Variants in CNOT10 observed in about 807,000 individuals in gnomAD.
The protein encoded by CNOT10 is CCR4-NOT transcription complex subunit 10.
In CNOT10, 30 loss-of-function variants were observed where a neutral mutation model predicts 94.6. The ratio of observed to expected loss-of-function variants is 0.32; its 90% CI spans 0.24 to 0.43. CNOT10 has a LOEUF of 0.43. Among genes scored for constraint, CNOT10 ranks in the 20% least tolerant of loss-of-function variants. The pLI, the probability that CNOT10 is intolerant of heterozygous loss-of-function variation, is 1.00. For missense variants in CNOT10, 759 were observed against 877.2 expected (o/e 0.87, Z 1.70); for synonymous variants, 289 against 301.6 (o/e 0.96, Z 0.43).
chr3:32,765,657 CAA>C (rs199748186), intron 17 of CNOT10, among the ~76,000 whole-genome samples: 1 of 44,748 alleles, frequency 2.2e-5, no homozygotes. Flanking sequence ...CCTGTCCCCC[CAA>C]AAAAAAAAGA....
intron 10 of CNOT10, among the ~76,000 whole-genome samples, chr3:32,732,629 G>C (rs923109200): frequency 1.1e-4 from 16 of 151,926 alleles, no homozygotes; most frequent in Non-Finnish European, 1.9e-4. Flanking sequence ...GTAGATACAG[G>C]GGGGTCTCAC....
chr3:32,748,384 A>T (rs1432188130), intron 13 of CNOT10, among the ~76,000 whole-genome samples: 1 of 152,140 alleles, frequency 6.6e-6, no homozygotes, highest in Non-Finnish European at 1.5e-5. Flanking sequence ...CTTGGGCAGG[A>T]TTGATATTTT....
rs201266064 is a variant in CNOT10 at position 32,717,183 on chromosome 3, G to A, written c.690G>A (p.Lys230=). 24 of 1,608,448 alleles carry A rather than the reference G, an allele frequency of 1.5e-5. No individual in the cohort carries two copies. The highest frequency in any genetic ancestry group is 1.9e-5 in the Non-Finnish European group (22 of 1,176,608). The change falls in exon 7 of 19, where the codon AAG becomes AAA. Residue 230 remains lysine, a synonymous_variant. Transcript: ENST00000328834. ...QYKVRAYIQM[K]SLKACKREIK... ...AAGTACGAGCTTATATCCAAATGAA[G>A]TCTCTGAAAGCATGTAAAAGGGAAA...
chr3:32,746,710 GC>G (rs1699714569), intron 13 of CNOT10, among the ~76,000 whole-genome samples: 1 of 151,916 alleles, frequency 6.6e-6, no homozygotes, highest in South Asian at 2.1e-4. Context: ...GGTGGCAGGC[GC>G]CTGTAGTCCC....
chr3:32,752,371 C>T (rs541524075), intron 13 of CNOT10, among the ~76,000 whole-genome samples: 29 of 152,232 alleles, frequency 1.9e-4, no homozygotes, highest in African/African-American at 6.5e-4. Context: ...CATTTAACCC[C>T]TGTGGGCTGC....
rs1379097810 is a variant in CNOT10, at chr3:32,727,791, T to C, written c.1136T>C (p.Ile379Thr). The C allele has an allele frequency of 6.2e-7, 1 of 1,614,136 alleles. No individual in the cohort carries two copies. Among genetic ancestry groups the C allele is most frequent in the Non-Finnish European group, 8.5e-7 (1 of 1,180,022 alleles). The change falls in exon 10 of 19, where the codon ATT becomes ACT. Residue 379 changes from isoleucine to threonine, a missense_variant. Physicochemically the swap from Ile to Thr is moderately conservative, Grantham distance 89 (BLOSUM62 -1). Around this residue, in one of 3 missense-constraint regions of CNOT10, gnomAD observed 682 missense variants for 799.4 expected, o/e 0.85. Coordinates refer to ENST00000328834, the MANE Select transcript of CNOT10 (RefSeq NM_015442.3). ...GRPLAAFECL[I>T]EAVQVYHANP... ...CCTCTTGCTGCCTTCGAATGTCTGATTGAAGCTGTTCAGGTTTATCATGCA... is the reference window on the plus strand; with the variant it reads ...CCTCTTGCTGCCTTCGAATGTCTGACTGAAGCTGTTCAGGTTTATCATGCA...
chr3:32,754,503 T>TATATATATATATATA (rs1700131251), intron 13 of CNOT10, among the ~76,000 whole-genome samples: 1 of 111,200 alleles, frequency 9.0e-6, no homozygotes, highest in Non-Finnish European at 1.7e-5. Context: ...CATATATATA[T>TATATATATATATATA]ATATATTTAT....
chr3:32,748,198 G>A (rs1575283706), intron 13 of CNOT10, among the ~76,000 whole-genome samples: 1 of 152,260 alleles, frequency 6.6e-6, no homozygotes, highest in East Asian at 1.9e-4. Context: ...GCTGCTCTAA[G>A]GTTTTAAGAC....
chr3:32,736,970 A>C (rs1699214577), intron 12 of CNOT10, among the ~76,000 whole-genome samples: 1 of 152,162 alleles, frequency 6.6e-6, no homozygotes, highest in South Asian at 2.1e-4. Flanking sequence ...GTGTTACCAA[A>C]TTACTAAGTA....
chr3:32,728,019 G>A (rs1424697720), intron 10 of CNOT10, 149 bp downstream of exon 10: 3 of 523,878 alleles, frequency 5.7e-6, no homozygotes, highest in South Asian at 6.5e-5. Context: ...TTTTTGAGAC[G>A]GAGTTTCTCT....
chr3:32,744,098 T>C (rs1005436927), intron 13 of CNOT10, among the ~76,000 whole-genome samples: 1 of 152,108 alleles, frequency 6.6e-6, no homozygotes, highest in South Asian at 2.1e-4. Context: ...CGTAAAAGAA[T>C]TGTGTCGTAA....
intron 13 of CNOT10, among the ~76,000 whole-genome samples, chr3:32,752,638 AGAT>A (rs1700013725): frequency 1.3e-5 from 2 of 152,316 alleles, no homozygotes; most frequent in South Asian, 4.1e-4. Context: ...TGTTTACAGA[AGAT>A]AAAATTAAAA....
At chr3:32,731,862 AG>A (rs1346912168) in intron 10 of CNOT10, among the ~76,000 whole-genome samples, 3 of 151,020 alleles carry the variant, frequency 2.0e-5, no homozygotes, top group Admixed American at 6.6e-5. Flanking sequence ...GTGGATCAGA[AG>A]GTCAGGAGAT....
At chr3:32,689,189 C>A (rs1696750800) in intron 1 of CNOT10, among the ~76,000 whole-genome samples, 1 of 151,634 alleles carries the variant, frequency 6.6e-6, no homozygotes, top group African/African-American at 2.4e-5. Context: ...CCTGTCTTGA[C>A]TAAAAATACA....
At chr3:32,697,574 G>C (rs1048950017) in intron 1 of CNOT10, among the ~76,000 whole-genome samples, 4 of 152,052 alleles carry the variant, frequency 2.6e-5, no homozygotes, top group African/African-American at 9.7e-5. Flanking sequence ...AGGCTTCAAC[G>C]ATTATCCCAC....
In CNOT10 at chr3:32,773,643, C is replaced by T; in HGVS notation, c.*32C>T. The T allele has an allele frequency of 6.3e-7, 1 of 1,577,830 alleles. No individual in the cohort carries two copies. Among genetic ancestry groups the T allele is most frequent in the African/African-American group, 1.4e-5 (1 of 73,718 alleles). On this transcript the variant is annotated 3_prime_UTR_variant, in exon 19 of 19. Coordinates refer to ENST00000328834, the MANE Select transcript of CNOT10 (RefSeq NM_015442.3). ...ACTTTTGGAAAACTGTTACCTGAGACCCAGGGGAGAATTTACTGGCCATTT... is the reference window on the plus strand; with the variant it reads ...ACTTTTGGAAAACTGTTACCTGAGATCCAGGGGAGAATTTACTGGCCATTT...
chr3:32,768,938 C>G (rs908141943), intron 17 of CNOT10: 5 of 152,230 alleles, frequency 3.3e-5, no homozygotes, highest in Admixed American at 3.3e-4. Flanking sequence ...AAGCAGGCCT[C>G]CCTTACCCCA....
intron 13 of CNOT10, among the ~76,000 whole-genome samples, chr3:32,738,817 GT>G (rs1315190462): frequency 6.6e-6 from 1 of 151,292 alleles, no homozygotes. Flanking sequence ...AATTTTCTAA[GT>G]TGTCAAATTT....
chr3:32,771,412 C>T (rs1454582200), intron 18 of CNOT10, among the ~76,000 whole-genome samples: 1 of 152,080 alleles, frequency 6.6e-6, no homozygotes, highest in Non-Finnish European at 1.5e-5. Context: ...ACCAGCCTAG[C>T]CAACATGGTA....
Sources: allele counts gnomAD v4.1 joint callset (sites outside exome capture counted in the v4.1 genomes callset), GRCh38; gene constraint gnomAD v4.1.1; regional missense constraint gnomAD v4.1.1; transcripts MANE v1.5; gene names NCBI Gene and HGNC (gene_info 2026-07-23, HGNC 2026-07-21).